PCCA: variants seen among roughly 807,000 people sequenced by gnomAD.
PCCA encodes propionyl-CoA carboxylase subunit alpha.
Under a neutral mutation model 101.3 loss-of-function variants are expected in PCCA, and 74 were observed. The observed-to-expected ratio is 0.73, with a 90% CI of 0.61 to 0.89. The LOEUF (loss-of-function observed/expected upper bound fraction) is 0.89, where lower values mean the gene tolerates loss of function less well. Among genes scored for constraint, PCCA ranks in the 40% least tolerant of loss-of-function variants. The pLI is 0.00. For missense variants in PCCA, 891 were observed against 907.0 expected (o/e 0.98, Z 0.23); for synonymous variants, 294 against 313.6 (o/e 0.94, Z 0.66).
intron 21 of PCCA, among the ~76,000 whole-genome samples, chr13:100,499,831 AG>A (rs1438421849): frequency 6.6e-6 from 1 of 152,236 alleles, no homozygotes; most frequent in African/African-American, 2.4e-5. Flanking sequence ...GGAGAAGCAA[AG>A]GAAAAAATAT....
At chr13:100,117,432 A>AT (rs36122017) in intron 4 of PCCA, among the ~76,000 whole-genome samples, 6,264 of 145,560 alleles carry the variant, frequency 0.043, 428 homozygotes, top group African/African-American at 0.15. Flanking sequence ...GTGTGTGTGC[A>AT]TTTTTTTTTT....
At position 100,423,030 on chromosome 13, in the gene PCCA, A is replaced by T. The variant is rs1364435598; in HGVS notation, c.1747-2603A>T. On this transcript the variant is annotated intron_variant, in intron 19 of 23. Transcript: ENST00000376285. ...AGTTTTTTTTTTTTTTCCAAATTGT[A>T]TGCAGACATCGAGTATTGGTTGTTT... 5.4e-5 allele frequency among the ~76,000 whole-genome samples: 8 copies of T among 147,350 alleles called. No individual in the cohort carries two copies. In the East Asian group the frequency reaches 1.2e-3, roughly 22 times the overall value.
chr13:100,330,676 G>C lies in PCCA; in HGVS notation c.1540+5G>C, dbSNP rs371430625. ...TGTATCCTGATGGCTTCAAAGGTTT[G>C]TATGCATTAAAATATTTTAGTGTTT... is the stretch of plus-strand genomic sequence containing the variant. On this transcript the variant is annotated splice_donor_5th_base_variant and intron_variant, in intron 17 of 23. Transcript: ENST00000376285. The C allele has an allele frequency of 6.1e-6, 9 of 1,467,950 alleles. No individual in the cohort carries two copies. The highest frequency in any genetic ancestry group is 8.6e-6 in the Non-Finnish European group (9 of 1,047,054). The allele number at this position is 1,467,950 out of a possible 1,614,324, so 90.9% of individuals were successfully genotyped here.
rs573458521 is a variant in PCCA, at chr13:100,493,610, C to G, written c.1900-21817C>G. ...CCCCACAGAGTCTTGAGAAATCCCT[C>G]TTGTGGTCCAAATTGGGGAAATATA... On this transcript the variant is annotated intron_variant, in intron 21 of 23. Coordinates refer to ENST00000376285, the MANE Select transcript of PCCA (RefSeq NM_000282.4). Among the ~76,000 whole-genome samples the G allele has an allele frequency of 4.0e-4, 61 of 152,322 alleles. 1 individual carries two copies. In the South Asian group the frequency reaches 0.012, roughly 31 times the overall value.
rs1365587256 is a variant in PCCA, at chr13:100,303,004, T to C, written c.1284+6T>C. 4.6e-6 allele frequency: 7 copies of C among 1,520,842 alleles called. No individual in the cohort carries two copies. Among genetic ancestry groups the C allele is most frequent in the Non-Finnish European group, 6.4e-6 (7 of 1,094,976 alleles). The allele number at this position is 1,520,842 out of a possible 1,614,324, so 94.2% of individuals were successfully genotyped here. A position where few individuals can be genotyped will look rare whatever the true frequency, so the allele number is the denominator to read the frequency against. ...AACCGTTACATCTACCTGGTGTAAG[T>C]CATTAAGCTGTAATACCAGCTGAAG... On this transcript the variant is annotated splice_donor_region_variant and intron_variant, in intron 14 of 23. Transcript: ENST00000376285.
chr13:100,241,641 A>AT (rs1769786076), intron 8 of PCCA, among the ~76,000 whole-genome samples: 1 of 151,540 alleles, frequency 6.6e-6, no homozygotes, highest in South Asian at 2.1e-4. Flanking sequence ...TAATTTTTGT[A>AT]TTTTTTTGTA....
At chr13:100,341,824 G>GT (rs1194033157) in intron 18 of PCCA, among the ~76,000 whole-genome samples, 1 of 151,908 alleles carries the variant, frequency 6.6e-6, no homozygotes, top group Non-Finnish European at 1.5e-5. Context: ...ATGTATGCAA[G>GT]TTATTTTCAG....
intron 8 of PCCA, 82 bp downstream of exon 8, chr13:100,235,960 A>G (rs550715665): frequency 2.3e-6 from 2 of 858,756 alleles, no homozygotes; most frequent in East Asian, 2.4e-5. Context: ...AGTAATTCCC[A>G]TAGAGCAAAT....
At chr13:100,278,863 A>G (rs1056839227) in intron 12 of PCCA, among the ~76,000 whole-genome samples, 4 of 152,298 alleles carry the variant, frequency 2.6e-5, no homozygotes, top group African/African-American at 9.6e-5. Context: ...ATAGCTTGCT[A>G]GGAAATTATG....
chr13:100,456,510 C>G (rs909806079), intron 21 of PCCA, among the ~76,000 whole-genome samples: 2 of 152,096 alleles, frequency 1.3e-5, no homozygotes, highest in Non-Finnish European at 2.9e-5. Flanking sequence ...ATGCGGAGAC[C>G]GGTAGTGGCC....
At chr13:100,368,367 T>C in intron 18 of PCCA, 105 bp from the exon 19 acceptor site, 1 of 685,558 alleles carries the variant, frequency 1.5e-6, no homozygotes, top group Non-Finnish European at 2.6e-6. Flanking sequence ...CGCAAATACA[T>C]TCAATGGCAG....
chr13:100,357,569 G>T (rs759488773), intron 18 of PCCA, among the ~76,000 whole-genome samples: 3 of 152,138 alleles, frequency 2.0e-5, no homozygotes, highest in Admixed American at 6.5e-5. Flanking sequence ...TCCTACAATG[G>T]CAGTGTAGTG....
At chr13:100,131,176 C>G (rs2050479138) in intron 4 of PCCA, among the ~76,000 whole-genome samples, 1 of 152,082 alleles carries the variant, frequency 6.6e-6, no homozygotes. Context: ...TGCCCTCATT[C>G]TCTGTGAGGT....
chr13:100,147,433 T>G (rs901339177), intron 4 of PCCA, among the ~76,000 whole-genome samples: 1 of 152,192 alleles, frequency 6.6e-6, no homozygotes, highest in Admixed American at 6.5e-5. Context: ...GGCTTTAAGA[T>G]CCCATGACTT....
intron 19 of PCCA, among the ~76,000 whole-genome samples, chr13:100,413,730 A>G (rs2078189883): frequency 6.6e-6 from 1 of 152,206 alleles, no homozygotes; most frequent in African/African-American, 2.4e-5. Flanking sequence ...TACTTGTGGA[A>G]CTGAGGTTCA....
chr13:100,133,517 CTTTA>C (rs2050772686), intron 4 of PCCA, among the ~76,000 whole-genome samples: 1 of 152,080 alleles, frequency 6.6e-6, no homozygotes, highest in South Asian at 2.1e-4. Flanking sequence ...TAGTTTTGCC[CTTTA>C]TTGTTAGATA....
At chr13:100,125,894 C>T (rs994695407) in intron 4 of PCCA, among the ~76,000 whole-genome samples, 1 of 152,224 alleles carries the variant, frequency 6.6e-6, no homozygotes, top group East Asian at 1.9e-4. Flanking sequence ...GGAGATCCTG[C>T]AGAATAGTAG....
At position 100,118,175 on chromosome 13, in the gene PCCA, G is replaced by A. The variant is rs527369132; in HGVS notation, c.300+6114G>A. ...TTACAGACATTGTGGCATTTTACCC[G>A]TAAATACTATTCATCTCGCAGTAAT... On this transcript the variant is annotated intron_variant, in intron 4 of 23. Coordinates refer to ENST00000376285, the MANE Select transcript of PCCA (RefSeq NM_000282.4). Among the ~76,000 whole-genome samples, 301 of 150,886 alleles carry A rather than the reference G, an allele frequency of 2.0e-3. 2 individuals carry two copies. The highest frequency in any genetic ancestry group is 6.6e-3 in the African/African-American group (270 of 41,110).
chr13:100,530,004 G>A (rs972494276), intron 23 of PCCA, 94 bp from the exon 24 acceptor site: 3 of 952,554 alleles, frequency 3.1e-6, no homozygotes, highest in South Asian at 1.4e-5. Context: ...TTGCAGGACT[G>A]TGCATTTTTA....
Sources: gnomAD v4.1 joint callset for allele counts (sites outside exome capture counted in the v4.1 genomes callset) on GRCh38, gnomAD v4.1.1 for gene constraint, MANE v1.5 for transcripts, NCBI Gene and HGNC (gene_info 2026-07-23, HGNC 2026-07-21) for gene names.